GRIP2: variants seen among roughly 807,000 people sequenced by gnomAD.
GRIP2 encodes the protein glutamate receptor interacting protein 2.
A neutral mutation model predicts 108.3 loss-of-function variants in GRIP2; 58 were observed. The ratio of observed to expected loss-of-function variants is 0.54; its 90% CI spans 0.43 to 0.67. GRIP2 has a LOEUF of 0.67. Among genes scored for constraint, GRIP2 ranks in the 30% least tolerant of loss-of-function variants. The pLI, the probability that GRIP2 is intolerant of heterozygous loss-of-function variation, is 0.00. For synonymous variants in GRIP2, 586 were observed against 598.2 expected, an observed-to-expected ratio of 0.98 and a Z score of 0.30; for missense variants, 1,278 against 1,430.6, an observed-to-expected ratio of 0.89 and a Z score of 1.72.
chr3:14,507,747 C>T lies in GRIP2; in HGVS notation c.2079-47G>A, dbSNP rs771492833. The T allele has an allele frequency of 1.3e-6, 2 of 1,589,738 alleles. No homozygotes were observed. The highest frequency in any genetic ancestry group is 2.2e-5 in the South Asian group (2 of 90,356). Reference sequence around the variant, plus strand: ...GAGAATGGGAGTTAGACACTCAGGGCCTCAGAGTGGCAGTCTGCCCTCAGG... The same window carrying T: ...GAGAATGGGAGTTAGACACTCAGGGTCTCAGAGTGGCAGTCTGCCCTCAGG... On this transcript the variant is annotated intron_variant, in intron 17 of 23. Coordinates refer to ENST00000621039, the MANE Select transcript of GRIP2 (RefSeq NM_001080423.4). This position sits in a 1 kb window ranked among gnomAD's most constrained non-coding sequence, Gnocchi z 4.6.
At chr3:14,536,008 C>T (rs1559350467) in intron 1 of GRIP2, among the ~76,000 whole-genome samples, 1 of 152,204 alleles carries the variant, frequency 6.6e-6, no homozygotes, top group Non-Finnish European at 1.5e-5. Flanking sequence ...GACAAGCCTC[C>T]CAGGAAGCCC....
chr3:14,494,994 A>T lies in GRIP2; in HGVS notation c.2824-5T>A, dbSNP rs576235420. 251 of 1,613,392 alleles carry T rather than the reference A, an allele frequency of 1.6e-4. 5 individuals carry two copies. The South Asian group carries it at 2.5e-3, about 16-fold the overall frequency. On this transcript the variant is annotated splice_region_variant and splice_polypyrimidine_tract_variant and intron_variant, in intron 22 of 23. Transcript: ENST00000621039. Reference sequence around the variant, plus strand: ...GGGGTCCTTGTGCAGGGTCACCTGGAAGCAGAAGGAGGAGGAGGTTCCTGG... The same window carrying T: ...GGGGTCCTTGTGCAGGGTCACCTGGTAGCAGAAGGAGGAGGAGGTTCCTGG...
At chr3:14,597,214 G>A in the GRIP2 span, among the ~76,000 whole-genome samples, 2 of 152,192 alleles carry the variant, frequency 1.3e-5, no homozygotes, top group East Asian at 3.8e-4. Flanking sequence ...TGTGTAAACA[G>A]GTGAAAACCA....
chr3:14,523,914 C>T lies in GRIP2; in HGVS notation c.404-216G>A, dbSNP rs1434655523. 8.8e-6 allele frequency: 5 copies of T among 565,580 alleles called. No individual in the cohort carries two copies. In the East Asian group the frequency reaches 1.4e-4, roughly 16 times the overall value. The allele number at this position is 565,580 out of a possible 1,614,324, so 35.0% of individuals were successfully genotyped here. On this transcript the variant is annotated intron_variant, in intron 4 of 23. Coordinates refer to ENST00000621039, the MANE Select transcript of GRIP2 (RefSeq NM_001080423.4). ...CCACTGAGAGAGAGGAAAGGGCCTG[C>T]CCATGCTCACAGAGACGACGGCAGA...
the GRIP2 span, chr3:14,572,791 G>A: frequency 1.5e-6 from 1 of 680,652 alleles, no homozygotes; most frequent in Admixed American, 2.3e-5. Context: ...GAGGCTCAGG[G>A]TTGTCGTGTC....
the GRIP2 span, among the ~76,000 whole-genome samples, chr3:14,563,551 T>G: frequency 6.6e-6 from 1 of 152,070 alleles, no homozygotes; most frequent in Non-Finnish European, 1.5e-5. Flanking sequence ...CAGGGTCTCC[T>G]GAGGATCTGG....
chr3:14,510,631 CAG>C (rs1235711307), intron 16 of GRIP2, among the ~76,000 whole-genome samples: 2 of 152,296 alleles, frequency 1.3e-5, no homozygotes, highest in African/African-American at 2.4e-5. Flanking sequence ...CCTTCTTTCA[CAG>C]AGTCGGAGTT....
At chr3:14,566,514 A>G in the GRIP2 span, among the ~76,000 whole-genome samples, 2 of 152,274 alleles carry the variant, frequency 1.3e-5, no homozygotes, top group South Asian at 4.1e-4. Context: ...AGAGAATGCC[A>G]GAACTACAGA....
At chr3:14,589,030 G>T in the GRIP2 span, among the ~76,000 whole-genome samples, 1 of 152,186 alleles carries the variant, frequency 6.6e-6, no homozygotes, top group Non-Finnish European at 1.5e-5. Flanking sequence ...ACTCACTCGG[G>T]ACCTTGAACA....
intron 1 of GRIP2, among the ~76,000 whole-genome samples, chr3:14,530,801 A>G (rs1387305716): frequency 6.6e-6 from 1 of 152,258 alleles, no homozygotes; most frequent in East Asian, 1.9e-4. Context: ...CGCACTGCAT[A>G]ATAATCACAT....
intron 22 of GRIP2, 90 bp from the exon 23 acceptor site, chr3:14,495,079 GC>G: frequency 6.6e-7 from 1 of 1,517,784 alleles, no homozygotes; most frequent in Non-Finnish European, 8.9e-7. Flanking sequence ...CTGGCATTCA[GC>G]GCCTCTGGCC....
chr3:14,532,217 G>C (rs1170216636), intron 1 of GRIP2, among the ~76,000 whole-genome samples: 2 of 152,210 alleles, frequency 1.3e-5, no homozygotes, highest in Non-Finnish European at 2.9e-5. Flanking sequence ...AGAAAAGACG[G>C]GAGAAGGTCT....
At chr3:14,540,824 A>C (rs544297265), upstream of GRIP2, among the ~76,000 whole-genome samples, 25 of 152,340 alleles carry the variant, frequency 1.6e-4, no homozygotes, top group African/African-American at 6.0e-4. The surrounding 1 kb of genome is among the most constrained non-coding windows in gnomAD (Gnocchi z 4.1). Context: ...GTCTCAGCTT[A>C]GAAACCCTTG....
At chr3:14,578,947 C>T in the GRIP2 span, among the ~76,000 whole-genome samples, 1 of 151,592 alleles carries the variant, frequency 6.6e-6, no homozygotes, top group Non-Finnish European at 1.5e-5. Context: ...TAGCATGCAA[C>T]CCAGCAATCC....
the GRIP2 span, among the ~76,000 whole-genome samples, chr3:14,579,567 GA>G: frequency 6.6e-6 from 1 of 152,092 alleles, no homozygotes; most frequent in African/African-American, 2.4e-5. Context: ...GGCTGGTACT[GA>G]AAACAGCAAC....
At chr3:14,582,210 G>C in the GRIP2 span, among the ~76,000 whole-genome samples, 2 of 152,188 alleles carry the variant, frequency 1.3e-5, no homozygotes, top group Non-Finnish European at 2.9e-5. Flanking sequence ...CAGCCCTCCT[G>C]GCAGGTATCC....
At chr3:14,549,184 T>C (rs754631576) in intron 1 of GRIP2, among the ~76,000 whole-genome samples, 10 of 152,274 alleles carry the variant, frequency 6.6e-5, no homozygotes, top group Non-Finnish European at 1.3e-4. Context: ...ACATAATCTC[T>C]GAATTGCCAT....
chr3:14,527,555 G>A (rs946502969), intron 1 of GRIP2, among the ~76,000 whole-genome samples: 4 of 152,116 alleles, frequency 2.6e-5, no homozygotes, highest in African/African-American at 7.2e-5. Context: ...GTATGTGTGT[G>A]TATATTAGTA....
At chr3:14,493,875 G>T in intron 23 of GRIP2, 49 bp from the exon 24 acceptor site, 1 of 1,572,568 alleles carries the variant, frequency 6.4e-7, no homozygotes, top group Non-Finnish European at 8.7e-7. Flanking sequence ...CAGCCCTGCT[G>T]CGCTGAAGGG....
Sources: allele counts gnomAD v4.1 joint callset (sites outside exome capture counted in the v4.1 genomes callset), GRCh38; gene constraint gnomAD v4.1.1; non-coding constraint Gnocchi (gnomAD v3.1); transcripts MANE v1.5; gene names NCBI Gene and HGNC (gene_info 2026-07-23, HGNC 2026-07-21).